PALM2AKAP2: variants seen among roughly 807,000 people sequenced by gnomAD.
PALM2AKAP2 encodes the protein PALM2 and AKAP2 fusion.
Under a neutral mutation model 71.5 loss-of-function variants are expected in PALM2AKAP2, and 37 were observed. The ratio of observed to expected loss-of-function variants is 0.52; its 90% CI spans 0.40 to 0.68. The LOEUF (loss-of-function observed/expected upper bound fraction) is 0.68, where lower values mean the gene tolerates loss of function less well. PALM2AKAP2 is among the 30% of genes least tolerant of loss of function. PALM2AKAP2 has a pLI of 0.00. For synonymous variants in PALM2AKAP2, 468 were observed against 478.8 expected, an observed-to-expected ratio of 0.98 and a Z score of 0.29; for missense variants, 1,224 against 1,191.8, an observed-to-expected ratio of 1.03 and a Z score of -0.40.
At chr9:110,144,276 G>A (rs1441148200) in intron 2 of PALM2AKAP2, among the ~76,000 whole-genome samples, 3 of 152,262 alleles carry the variant, frequency 2.0e-5, no homozygotes, top group Non-Finnish European at 4.4e-5. Context: ...GGCACCAACT[G>A]TGCAGCTTGT....
At chr9:109,942,914 A>G in intron 6 of PALM2AKAP2, 1 of 1,614,212 alleles carries the variant, frequency 6.2e-7, no homozygotes, top group South Asian at 1.1e-5. Context: ...AAGGCTGGAC[A>G]ATCAAGCTTA....
At chr9:109,673,962 C>A (rs1015222290) in intron 1 of PALM2AKAP2, among the ~76,000 whole-genome samples, 5 of 151,980 alleles carry the variant, frequency 3.3e-5, no homozygotes, top group Non-Finnish European at 7.4e-5. Flanking sequence ...AGATTTTTCT[C>A]CATACCTTTA....
intron 1 of PALM2AKAP2, among the ~76,000 whole-genome samples, chr9:110,084,672 A>G (rs919108251): frequency 6.6e-6 from 1 of 152,162 alleles, no homozygotes. Flanking sequence ...TATTTAGGGA[A>G]TCATGATAAA....
intron 1 of PALM2AKAP2, among the ~76,000 whole-genome samples, chr9:109,759,713 C>T (rs999578546): frequency 4.6e-5 from 7 of 152,110 alleles, no homozygotes; most frequent in Non-Finnish European, 8.8e-5. Flanking sequence ...GTTTCTCTTG[C>T]CTCTGAATTC....
Position 110,058,824 on chromosome 9 carries a change from G to A in PALM2AKAP2, c.156+9969G>A, listed in dbSNP as rs190097702. Among the ~76,000 whole-genome samples the A allele has an allele frequency of 5.2e-3, 791 of 150,914 alleles. 6 individuals carry two copies. Among genetic ancestry groups the A allele is most frequent in the Middle Eastern group, 0.031 (9 of 286 alleles). On this transcript the variant is annotated intron_variant, in intron 1 of 3. Coordinates refer to ENST00000374525, the Ensembl canonical transcript of PALM2AKAP2. ...TTTCTTCTCTTTCTTCCTTTTCTGAGCTGAACAGCAACCTGTATCAATACT... is the reference window on the plus strand; with the variant it reads ...TTTCTTCTCTTTCTTCCTTTTCTGAACTGAACAGCAACCTGTATCAATACT...
At chr9:109,687,614 T>G (rs1827823196) in intron 1 of PALM2AKAP2, among the ~76,000 whole-genome samples, 1 of 152,246 alleles carries the variant, frequency 6.6e-6, no homozygotes, top group African/African-American at 2.4e-5. Context: ...CTAAAGGGAA[T>G]GTTGTGGCTG....
At chr9:109,860,674 G>A (rs1413255934) in intron 1 of PALM2AKAP2, among the ~76,000 whole-genome samples, 5 of 152,050 alleles carry the variant, frequency 3.3e-5, no homozygotes, top group African/African-American at 9.7e-5. Flanking sequence ...AACTGTCTCT[G>A]ACCCCTTTCA....
intron 6 of PALM2AKAP2, among the ~76,000 whole-genome samples, chr9:109,936,740 T>C (rs1418535440): frequency 6.6e-6 from 1 of 152,248 alleles, no homozygotes; most frequent in Non-Finnish European, 1.5e-5. Flanking sequence ...ACTTTCATTG[T>C]ACAAATGAGA....
chr9:109,978,484 A>G (rs981953660), intron 6 of PALM2AKAP2, among the ~76,000 whole-genome samples: 3 of 152,156 alleles, frequency 2.0e-5, no homozygotes, highest in Non-Finnish European at 4.4e-5. Context: ...TAGTGGATCA[A>G]TCACTCCCAA....
chr9:110,109,395 GT>G (rs979367840), intron 1 of PALM2AKAP2, among the ~76,000 whole-genome samples: 2 of 151,472 alleles, frequency 1.3e-5, no homozygotes, highest in African/African-American at 2.4e-5. Context: ...GCCTTCTGAG[GT>G]TCAGAGGTCA....
chr9:109,870,830 A>G (rs1421834128), intron 2 of PALM2AKAP2, among the ~76,000 whole-genome samples: 2 of 152,232 alleles, frequency 1.3e-5, no homozygotes, highest in Non-Finnish European at 2.9e-5. Context: ...GAGACATGTC[A>G]CAGTGATTAT....
At chr9:110,011,012 A>ATATATATATATATATATATATAT (rs59242587) in intron 6 of PALM2AKAP2, among the ~76,000 whole-genome samples, 11 of 90,450 alleles carry the variant, frequency 1.2e-4, no homozygotes, top group Non-Finnish European at 1.6e-4. Context: ...AAAAAAAAAA[A>ATATATATATATATATATATATAT]AAATATATAT....
At chr9:109,786,602 G>A (rs912085857) in intron 1 of PALM2AKAP2, among the ~76,000 whole-genome samples, 3 of 152,178 alleles carry the variant, frequency 2.0e-5, no homozygotes, top group African/African-American at 7.2e-5. Context: ...CACTGGATAG[G>A]TGACACTTTG....
chr9:110,035,603 T>C (rs1192402821), intron 7 of PALM2AKAP2, among the ~76,000 whole-genome samples: 3 of 138,692 alleles, frequency 2.2e-5, no homozygotes, highest in Non-Finnish European at 3.1e-5. Flanking sequence ...ATAGGATATG[T>C]TGTGTGTTAT....
chr9:109,834,884 C>T (rs1587944406), intron 1 of PALM2AKAP2, among the ~76,000 whole-genome samples: 1 of 152,206 alleles, frequency 6.6e-6, no homozygotes, highest in East Asian at 1.9e-4. Flanking sequence ...GCTTCTCACC[C>T]ATCTTTCGCT....
chr9:109,709,234 C>T (rs1418812913), intron 1 of PALM2AKAP2, among the ~76,000 whole-genome samples: 2 of 152,226 alleles, frequency 1.3e-5, no homozygotes, highest in Non-Finnish European at 2.9e-5. Context: ...ACTTTGGGAC[C>T]TGACTGTGAC....
At chr9:110,137,558 C>T (rs999389903) in exon 2 of PALM2AKAP2, 6 of 1,614,146 alleles carry the variant, frequency 3.7e-6, no homozygotes, top group Admixed American at 1.7e-5. Context: ...TACGAGCGCC[C>T]GGGCTGTCCT....
At chr9:109,843,301 CAAAAAAAAAA>C (rs35634219) in intron 1 of PALM2AKAP2, among the ~76,000 whole-genome samples, 1 of 66,978 alleles carries the variant, frequency 1.5e-5, no homozygotes, top group South Asian at 6.3e-4. Flanking sequence ...GCCCCTGTCT[CAAAAAAAAAA>C]AAAAAAAAAA....
At position 109,839,383 on chromosome 9, in the gene PALM2AKAP2, T is replaced by C. The variant is rs139200257; in HGVS notation, c.46-28108T>C. Among the ~76,000 whole-genome samples the C allele has an allele frequency of 2.7e-3, 412 of 152,284 alleles. 1 individual carries two copies. Among genetic ancestry groups the C allele is most frequent in the African/African-American group, 9.2e-3 (382 of 41,554 alleles). ...ATAAATTAGATATTGATGGGACGTATCTCAAAATAATAAGGGCTATTTATG... is the reference window on the plus strand; with the variant it reads ...ATAAATTAGATATTGATGGGACGTACCTCAAAATAATAAGGGCTATTTATG... On this transcript the variant is annotated intron_variant, in intron 1 of 9. Transcript: ENST00000302798.
Sources: gnomAD v4.1 joint callset for allele counts (sites outside exome capture counted in the v4.1 genomes callset) on GRCh38, gnomAD v4.1.1 for gene constraint, MANE v1.5 for transcripts, NCBI Gene and HGNC (gene_info 2026-07-23, HGNC 2026-07-21) for gene names.